CALD1: variants seen among roughly 807,000 people sequenced by gnomAD.
CALD1 encodes the protein caldesmon.
A neutral mutation model predicts 99.9 loss-of-function variants in CALD1; 33 were observed. The ratio of observed to expected loss-of-function variants is 0.33; its 90% CI spans 0.25 to 0.44. The LOEUF is 0.44. Among genes scored for constraint, CALD1 ranks in the 20% least tolerant of loss-of-function variants. The probability of loss-of-function intolerance (pLI) is 1.00; values close to 1 mark genes in which losing one functional copy is unlikely to be tolerated. For missense variants in CALD1, 861 were observed against 962.1 expected, an observed-to-expected ratio of 0.89 and a Z score of 1.39; for synonymous variants, 310 against 325.0, an observed-to-expected ratio of 0.95 and a Z score of 0.50.
At chr7:134,867,904 G>A (rs1203710486) in intron 3 of CALD1, 100 bp downstream of exon 3, 7 of 587,438 alleles carry the variant, frequency 1.2e-5, no homozygotes, top group Admixed American at 6.8e-5. Context: ...TGGTCATATC[G>A]CACACCAAAC....
intron 1 of CALD1, among the ~76,000 whole-genome samples, chr7:134,752,900 C>T (rs1036948855): frequency 2.0e-5 from 3 of 151,240 alleles, no homozygotes; most frequent in African/African-American, 7.3e-5. Context: ...ATCCCAGCTA[C>T]TCAGGAGGCT....
At chr7:134,865,188 C>G (rs1216650955) in intron 2 of CALD1, among the ~76,000 whole-genome samples, 1 of 152,032 alleles carries the variant, frequency 6.6e-6, no homozygotes, top group Non-Finnish European at 1.5e-5. Context: ...AAATCACTTA[C>G]CATTCTACCT....
intron 3 of CALD1, chr7:134,891,634 C>CCGGATCGCA: frequency 6.2e-7 from 1 of 1,610,410 alleles, no homozygotes; most frequent in African/African-American, 1.3e-5. Context: ...CTGGGTGGAT[C>CCGGATCGCA]CGGATCGCAT....
chr7:134,913,115 A>G (rs1462204221), intron 3 of CALD1, among the ~76,000 whole-genome samples: 1 of 152,038 alleles, frequency 6.6e-6, no homozygotes, highest in African/African-American at 2.4e-5. Flanking sequence ...AAAAATACAA[A>G]ATTAGCTGGG....
At chr7:134,830,576 C>T (rs1280003195) in intron 1 of CALD1, among the ~76,000 whole-genome samples, 2 of 152,010 alleles carry the variant, frequency 1.3e-5, no homozygotes, top group Non-Finnish European at 2.9e-5. Context: ...CTCAACCCTC[C>T]AATAGGCCCC....
Position 134,941,125 on chromosome 7 carries a change from C to G in CALD1, c.1420C>G (p.Pro474Ala). 1 of 1,611,388 alleles carries G rather than the reference C, an allele frequency of 6.2e-7. No individual in the cohort carries two copies. The highest frequency in any genetic ancestry group is 8.5e-7 in the Non-Finnish European group (1 of 1,178,918). Reference sequence around the variant, plus strand: ...TGAAAAGATTAAAAAGGACAAAGAACCCAAAGAAGAAGTTAAGAGCTTCAT... The same window carrying G: ...TGAAAAGATTAAAAAGGACAAAGAAGCCAAAGAAGAAGTTAAGAGCTTCAT... ...KDEKIKKDKE[P>A]KEEVKSFMDR... Residue 474 changes from proline to alanine, a missense_variant, in exon 7 of 15, where the codon CCC becomes GCC. Pro to Ala is a conservative substitution (Grantham distance 27). Around this residue, in one of 5 missense-constraint regions of CALD1, gnomAD observed 293 missense variants for 262.7 expected, o/e 1.12. Transcript: ENST00000361675.
At chr7:134,877,303 G>A (rs1801397471) in intron 3 of CALD1, among the ~76,000 whole-genome samples, 1 of 152,130 alleles carries the variant, frequency 6.6e-6, no homozygotes, top group African/African-American at 2.4e-5. Flanking sequence ...CTCTGTTTCA[G>A]ATCTGTTTTA....
intron 1 of CALD1, among the ~76,000 whole-genome samples, chr7:134,795,443 A>C (rs1257211499): frequency 1.3e-5 from 2 of 152,170 alleles, no homozygotes; most frequent in African/African-American, 4.8e-5. Flanking sequence ...TTCCCCAGGA[A>C]CTGTGAGTCA....
At chr7:134,790,472 C>T (rs1797483344) in intron 1 of CALD1, among the ~76,000 whole-genome samples, 1 of 152,138 alleles carries the variant, frequency 6.6e-6, no homozygotes, top group Non-Finnish European at 1.5e-5. Context: ...TCTGTGTCTT[C>T]CCCCAAGAAA....
intron 2 of CALD1, among the ~76,000 whole-genome samples, chr7:134,859,163 G>C (rs756392397): frequency 6.6e-6 from 1 of 152,174 alleles, no homozygotes; most frequent in Non-Finnish European, 1.5e-5. Flanking sequence ...TCAGGGATAG[G>C]GGTCTACCCT....
At chr7:134,907,410 G>A (rs966159220) in intron 3 of CALD1, among the ~76,000 whole-genome samples, 3 of 151,488 alleles carry the variant, frequency 2.0e-5, no homozygotes, top group Non-Finnish European at 4.4e-5. Flanking sequence ...CTTTTATTTT[G>A]CTCCAGGTTA....
At chr7:134,910,914 G>A (rs182953720) in intron 3 of CALD1, among the ~76,000 whole-genome samples, 47 of 152,276 alleles carry the variant, frequency 3.1e-4, no homozygotes, top group Admixed American at 2.6e-3. Flanking sequence ...GCAAAGAAAT[G>A]CATTAAAACA....
chr7:134,857,073 G>A (rs1800332319), intron 2 of CALD1, among the ~76,000 whole-genome samples: 1 of 150,766 alleles, frequency 6.6e-6, no homozygotes, highest in Admixed American at 6.6e-5. Context: ...TAGACTAAGT[G>A]CTCCAATAGA....
chr7:134,728,380 T>A, the CALD1 span, among the ~76,000 whole-genome samples: 1 of 152,106 alleles, frequency 6.6e-6, no homozygotes, highest in African/African-American at 2.4e-5. Context: ...AAAACAGAAG[T>A]CAGGCACAGA....
chr7:134,721,571 C>A, the CALD1 span, among the ~76,000 whole-genome samples: 1 of 151,918 alleles, frequency 6.6e-6, no homozygotes, highest in African/African-American at 2.4e-5. Flanking sequence ...AAAAATACAA[C>A]CCCATGGCTG....
intron 1 of CALD1, among the ~76,000 whole-genome samples, chr7:134,822,548 C>A (rs1798823149): frequency 6.6e-6 from 1 of 152,158 alleles, no homozygotes; most frequent in Non-Finnish European, 1.5e-5. Context: ...ATAAGTTATG[C>A]ATTTGTTAAA....
intron 6 of CALD1, among the ~76,000 whole-genome samples, chr7:134,939,489 T>A (rs1167694936): frequency 6.6e-6 from 1 of 152,204 alleles, no homozygotes; most frequent in Non-Finnish European, 1.5e-5. Context: ...CAGCCCCCAT[T>A]TTCAGTGTGT....
rs1586307674 is a variant in CALD1 at position 134,920,343 on chromosome 7, T to C, written c.72-8411T>C. 3 of 145,414 alleles carry C rather than the reference T, an allele frequency of 2.1e-5. No homozygotes were observed. The East Asian group carries it at 1.5e-3, about 73-fold the overall frequency. 9.0% of individuals were successfully genotyped at this position (145,414 alleles called of 1,614,324 possible). A position where few individuals can be genotyped will look rare whatever the true frequency, so the allele number is the denominator to read the frequency against. ...AGTCATTTTGCCTCCAAATAGTTGA[T>C]AAGCATGTTTCTAACCTACATGAGG... On this transcript the variant is annotated intron_variant, in intron 3 of 14. Coordinates refer to ENST00000361675, the MANE Select transcript of CALD1 (RefSeq NM_033138.4).
At chr7:134,875,429 A>G (rs987038077) in intron 3 of CALD1, among the ~76,000 whole-genome samples, 4 of 152,224 alleles carry the variant, frequency 2.6e-5, no homozygotes, top group Admixed American at 6.5e-5. Context: ...TGAGGTCAGG[A>G]GTTCGAGACC....
Sources: allele counts gnomAD v4.1 joint callset (sites outside exome capture counted in the v4.1 genomes callset), GRCh38; gene constraint gnomAD v4.1.1; regional missense constraint gnomAD v4.1.1; transcripts MANE v1.5; gene names NCBI Gene and HGNC (gene_info 2026-07-23, HGNC 2026-07-21).